CACNA2D1: variants seen among roughly 807,000 people sequenced by gnomAD.
The protein encoded by CACNA2D1 is voltage-dependent calcium channel subunit alpha-2/delta-1.
In CACNA2D1, 53 loss-of-function variants were observed where a neutral mutation model predicts 171.5. That is an observed-to-expected ratio of 0.31 (90% CI 0.25 to 0.39). The LOEUF (loss-of-function observed/expected upper bound fraction) is 0.39. CACNA2D1 is among the 10% of genes least tolerant of loss of function. The probability of loss-of-function intolerance (pLI) is 1.00; values close to 1 mark genes in which losing one functional copy is unlikely to be tolerated. For synonymous variants in CACNA2D1, 442 were observed against 443.1 expected, an observed-to-expected ratio of 1.00 and a Z score of 0.03; for missense variants, 903 against 1,299.8, an observed-to-expected ratio of 0.69 and a Z score of 4.69.
chr7:82,059,432 T>C (rs1806333653), intron 10 of CACNA2D1, among the ~76,000 whole-genome samples: 1 of 152,030 alleles, frequency 6.6e-6, no homozygotes, highest in Non-Finnish European at 1.5e-5. Flanking sequence ...AAACATACTA[T>C]AAAAACATAA....
intron 3 of CACNA2D1, among the ~76,000 whole-genome samples, chr7:82,273,561 C>T (rs924090915): frequency 6.6e-6 from 1 of 152,084 alleles, no homozygotes; most frequent in African/African-American, 2.4e-5. Context: ...GATCATAGCA[C>T]ACTGAGGCCT....
chr7:82,110,752 C>CA (rs1788281987), intron 6 of CACNA2D1, among the ~76,000 whole-genome samples: 3 of 152,172 alleles, frequency 2.0e-5, no homozygotes, highest in Non-Finnish European at 2.9e-5. Flanking sequence ...CACTTGCTCA[C>CA]AAACTACAGA....
chr7:82,097,446 A>G (rs920192472), intron 6 of CACNA2D1, among the ~76,000 whole-genome samples: 1 of 152,138 alleles, frequency 6.6e-6, no homozygotes, highest in African/African-American at 2.4e-5. Context: ...TAGAGAGTGG[A>G]AAGAGATTAA....
intron 1 of CACNA2D1, among the ~76,000 whole-genome samples, chr7:82,355,184 T>A (rs1476867015): frequency 6.6e-6 from 1 of 152,184 alleles, no homozygotes; most frequent in Non-Finnish European, 1.5e-5. Flanking sequence ...AAAATCATTG[T>A]GAAATCAAAT....
intron 38 of CACNA2D1, among the ~76,000 whole-genome samples, chr7:81,955,905 T>TGGG (rs59823054): frequency 1.1e-4 from 6 of 53,936 alleles, no homozygotes; most frequent in Non-Finnish European, 1.8e-4. Flanking sequence ...GTTATTTTGG[T>TGGG]GGGGGGGGGG....
chr7:82,216,556 T>C (rs769995546), intron 3 of CACNA2D1, among the ~76,000 whole-genome samples: 1 of 152,192 alleles, frequency 6.6e-6, no homozygotes, highest in South Asian at 2.1e-4. Flanking sequence ...TATTTTATTA[T>C]AACTACTCCA....
chr7:82,252,630 G>A (rs760715716), intron 3 of CACNA2D1, among the ~76,000 whole-genome samples: 8 of 152,266 alleles, frequency 5.3e-5, no homozygotes, highest in South Asian at 4.1e-4. Flanking sequence ...GGTGGCTCAC[G>A]CCTGTAATCC....
At chr7:82,299,171 A>C (rs1395578866) in intron 3 of CACNA2D1, among the ~76,000 whole-genome samples, 4 of 152,148 alleles carry the variant, frequency 2.6e-5, no homozygotes, top group Non-Finnish European at 5.9e-5. Context: ...TGTTGTTAAC[A>C]TTAAAGACAT....
chr7:82,360,972 A>AT (rs1204846841), intron 1 of CACNA2D1, among the ~76,000 whole-genome samples: 2 of 152,168 alleles, frequency 1.3e-5, no homozygotes, highest in East Asian at 1.9e-4. Flanking sequence ...CAACTTTTTT[A>AT]TTTTTTTAAC....
At chr7:82,396,551 A>G (rs73384023) in intron 1 of CACNA2D1, among the ~76,000 whole-genome samples, 7,470 of 152,236 alleles carry the variant, frequency 0.049, 206 homozygotes, top group Middle Eastern at 0.068. Context: ...TGTCTGCCCT[A>G]GGGACTCCTT....
At chr7:82,292,202 C>T (rs1209192865) in intron 3 of CACNA2D1, among the ~76,000 whole-genome samples, 1 of 152,124 alleles carries the variant, frequency 6.6e-6, no homozygotes, top group East Asian at 1.9e-4. Context: ...CTCAGGTTCT[C>T]TAAAGGAAAA....
intron 6 of CACNA2D1, among the ~76,000 whole-genome samples, chr7:82,114,760 GAAAA>G (rs34240770): frequency 9.7e-6 from 1 of 103,110 alleles, no homozygotes. Context: ...CGTCCCAGAA[GAAAA>G]AAAAAAAAAA....
rs140903980 is a variant in CACNA2D1 at position 81,964,906 on chromosome 7, C to T, written c.2575-547G>A. Among the ~76,000 whole-genome samples the T allele has an allele frequency of 7.6e-3, 1,150 of 151,636 alleles. 9 individuals are homozygous for T. The highest frequency in any genetic ancestry group is 0.013 in the Non-Finnish European group (863 of 67,828). ...GCAAATCAAAGCTTTTTTTTGTACA[C>T]CTTAAACATATACAATAAAAAAAAG... On this transcript the variant is annotated intron_variant, in intron 32 of 38. Transcript: ENST00000356860.
At chr7:82,247,273 G>A (rs1287373772) in intron 3 of CACNA2D1, among the ~76,000 whole-genome samples, 1 of 152,138 alleles carries the variant, frequency 6.6e-6, no homozygotes, top group Non-Finnish European at 1.5e-5. Flanking sequence ...ACTTTGGGAG[G>A]CTGAGGCGGG....
intron 12 of CACNA2D1, among the ~76,000 whole-genome samples, chr7:82,025,129 G>A (rs1801718245): frequency 6.6e-6 from 1 of 151,282 alleles, no homozygotes; most frequent in African/African-American, 2.4e-5. Context: ...CTATTTTGTG[G>A]TCTTTTGTAG....
chr7:82,132,362 G>C (rs1192372368), intron 5 of CACNA2D1, among the ~76,000 whole-genome samples: 2 of 152,172 alleles, frequency 1.3e-5, no homozygotes, highest in Non-Finnish European at 2.9e-5. Context: ...TCTCTCTTTA[G>C]TAATGTAACT....
intron 3 of CACNA2D1, among the ~76,000 whole-genome samples, chr7:82,239,312 A>T (rs1003731761): frequency 7.2e-6 from 1 of 138,818 alleles, no homozygotes; most frequent in Non-Finnish European, 1.6e-5. Flanking sequence ...GTACTGTTCT[A>T]AAAAAAAAAA....
At chr7:82,263,326 G>T (rs558749752) in intron 3 of CACNA2D1, among the ~76,000 whole-genome samples, 3 of 151,900 alleles carry the variant, frequency 2.0e-5, no homozygotes, top group Admixed American at 6.6e-5. Context: ...GGCCCGGCTG[G>T]TCTCGAACTC....
At position 81,948,579 on chromosome 7, in the gene CACNA2D1, T is replaced by G. The variant is rs1164884252; in HGVS notation, c.*1813A>C. 1 of 151,900 alleles carries G rather than the reference T, an allele frequency of 6.6e-6. No individual in the cohort carries two copies. The highest frequency in any genetic ancestry group is 2.4e-5 in the African/African-American group (1 of 41,426). The allele number at this position is 151,900 out of a possible 1,614,324, so 9.4% of individuals were successfully genotyped here. ...ACAAATGTTATCTTTTAAGCTACGTTAAATTATTGGTTATATCTTTGATAT... is the reference window on the plus strand; with the variant it reads ...ACAAATGTTATCTTTTAAGCTACGTGAAATTATTGGTTATATCTTTGATAT... On this transcript the variant is annotated 3_prime_UTR_variant, in exon 39 of 39. Transcript: ENST00000356860.
Sources: allele counts gnomAD v4.1 joint callset (sites outside exome capture counted in the v4.1 genomes callset), GRCh38; gene constraint gnomAD v4.1.1; transcripts MANE v1.5; gene names NCBI Gene and HGNC (gene_info 2026-07-23, HGNC 2026-07-21).